Variants in DNAJC17 observed in about 807,000 individuals in gnomAD.
DNAJC17 encodes the protein DnaJ heat shock protein family (Hsp40) member C17, also known as dnaJ homolog subfamily C member 17.
A neutral mutation model predicts 48.1 loss-of-function variants in DNAJC17; 35 were observed. The observed-to-expected ratio is 0.73, with a 90% confidence interval of 0.56 to 0.96. DNAJC17 has a LOEUF of 0.96. Ranked by LOEUF, DNAJC17 falls within the 50% of genes least tolerant of loss-of-function variation. The pLI is 0.00. For missense variants in DNAJC17, 355 were observed against 377.1 expected, an observed-to-expected ratio of 0.94 and a Z score of 0.48; for synonymous variants, 117 against 142.7, an observed-to-expected ratio of 0.82 and a Z score of 1.28.
chr15:40,785,805 G>A (rs943172587), intron 1 of DNAJC17, among the ~76,000 whole-genome samples: 26 of 152,228 alleles, frequency 1.7e-4, no homozygotes, highest in Non-Finnish European at 1.5e-5. Flanking sequence ...TCTTATTCAA[G>A]GGGTAGAAGG....
intron 1 of DNAJC17, chr15:40,807,065 T>C (rs1890253202): frequency 3.3e-6 from 2 of 614,334 alleles, no homozygotes; most frequent in East Asian, 2.9e-5. Context: ...AGGCCGAGAC[T>C]GCGCAGGCGC....
intron 1 of DNAJC17, among the ~76,000 whole-genome samples, chr15:40,789,773 T>G (rs1241450914): frequency 2.6e-5 from 4 of 151,304 alleles, no homozygotes; most frequent in African/African-American, 9.7e-5. Context: ...CAAATTTGTA[T>G]TAGTAAAAAG....
chr15:40,770,642 A>G lies in DNAJC17; in HGVS notation c.793-2580T>C. 1 of 1,550,284 alleles carries G rather than the reference A, an allele frequency of 6.5e-7. No individual in the cohort carries two copies. Among genetic ancestry groups the G allele is most frequent in the African/African-American group, 1.4e-5 (1 of 73,156 alleles). ...GGGACCACGAGGAGTACAGCAACCG[A>G]GAAGTCATCCGGGAGCTACAAGGGA... On this transcript the variant is annotated intron_variant, in intron 10 of 10. Coordinates refer to ENST00000220496, the MANE Select transcript of DNAJC17 (RefSeq NM_018163.3). This position sits in a 1 kb window ranked among gnomAD's most constrained non-coding sequence, Gnocchi z 5.0.
At chr15:40,781,154 A>G (rs990364315) in intron 1 of DNAJC17, among the ~76,000 whole-genome samples, 2 of 30,706 alleles carry the variant, frequency 6.5e-5, no homozygotes, top group African/African-American at 5.6e-4. Flanking sequence ...TCCATCTCAG[A>G]AAAAAAAAAA....
At position 40,770,809 on chromosome 15, in the gene DNAJC17, C is replaced by G. The variant is rs143048843; in HGVS notation, c.793-2747G>C. ...GAGCCCCCACCTGCCTACACAGCAG[C>G]CTACTCTGCCACCCTGCCATCGGCG... On this transcript the variant is annotated intron_variant, in intron 10 of 10. Transcript: ENST00000220496. The surrounding 1 kb of genome is among the most constrained non-coding windows in gnomAD (Gnocchi z 5.0). 3 of 1,550,352 alleles carry G rather than the reference C, an allele frequency of 1.9e-6. No individual in the cohort carries two copies. Among genetic ancestry groups the G allele is most frequent in the South Asian group, 1.2e-5 (1 of 84,062 alleles).
intron 1 of DNAJC17, among the ~76,000 whole-genome samples, chr15:40,789,244 A>C (rs1889728087): frequency 6.6e-6 from 1 of 151,832 alleles, no homozygotes; most frequent in Admixed American, 6.6e-5. Flanking sequence ...TCCCCAAATG[A>C]TGGCCCTTGT....
At chr15:40,794,023 A>G (rs1193861312) in intron 1 of DNAJC17, among the ~76,000 whole-genome samples, 1 of 152,156 alleles carries the variant, frequency 6.6e-6, no homozygotes, top group Non-Finnish European at 1.5e-5. Flanking sequence ...TCTATTCTCA[A>G]CACATGGTAG....
intron 1 of DNAJC17, among the ~76,000 whole-genome samples, chr15:40,789,957 A>C (rs1889752836): frequency 6.9e-6 from 1 of 145,754 alleles, no homozygotes; most frequent in Non-Finnish European, 1.5e-5. Context: ...GAGTTGATTT[A>C]GTGAAAATAA....
chr15:40,765,955 G>A lies in DNAJC17; in HGVS notation c.*1985C>T, dbSNP rs1276157577. The A allele has an allele frequency of 2.5e-6, 3 of 1,181,436 alleles. No homozygotes were observed. The highest frequency in any genetic ancestry group is 5.0e-5 in the East Asian group (2 of 39,628). The allele number at this position is 1,181,436 out of a possible 1,614,324, so 73.2% of individuals were successfully genotyped here. A position where few individuals can be genotyped will look rare whatever the true frequency, so the allele number is the denominator to read the frequency against. ...CAGCCTCCCTCAGTATCCTCTCCCT[G>A]CCAGCCCCTAGACCTGCCTCTGCTC... On this transcript the variant is annotated 3_prime_UTR_variant, in exon 11 of 11. Coordinates refer to ENST00000220496, the MANE Select transcript of DNAJC17 (RefSeq NM_018163.3).
At chr15:40,807,019 C>A (rs756448768) in intron 1 of DNAJC17, 2 of 536,666 alleles carry the variant, frequency 3.7e-6, no homozygotes, top group Non-Finnish European at 6.6e-6. Context: ...TGAAATGAGG[C>A]ACCTCTTGTC....
chr15:40,781,138 C>T (rs978929345), intron 1 of DNAJC17, among the ~76,000 whole-genome samples: 1 of 123,086 alleles, frequency 8.1e-6, no homozygotes, highest in Admixed American at 1.0e-4. Flanking sequence ...GGGACAAGAG[C>T]GAGACTCCAT....
At chr15:40,783,675 C>T (rs1454861470) in intron 1 of DNAJC17, among the ~76,000 whole-genome samples, 1 of 152,052 alleles carries the variant, frequency 6.6e-6, no homozygotes, top group African/African-American at 2.4e-5. Context: ...ACCAGCCTGG[C>T]CAACATGGTG....
In DNAJC17 at chr15:40,767,029, G is replaced by T; in HGVS notation, c.*911C>A. ...AGTGGCACCTTCACTAGCTTGTTGG[G>T]AAGAATAAATGAGATAGCTCGTGAA... is the stretch of plus-strand genomic sequence containing the variant. On this transcript the variant is annotated 3_prime_UTR_variant, in exon 11 of 11. Coordinates refer to ENST00000220496, the MANE Select transcript of DNAJC17 (RefSeq NM_018163.3). 1 of 444,690 alleles carries T rather than the reference G, an allele frequency of 2.2e-6. No individual in the cohort carries two copies. 27.5% of individuals were successfully genotyped at this position (444,690 alleles called of 1,614,324 possible).
intron 1 of DNAJC17, among the ~76,000 whole-genome samples, chr15:40,799,132 G>A (rs188759234): frequency 2.0e-5 from 3 of 151,732 alleles, no homozygotes; most frequent in Admixed American, 2.0e-4. Flanking sequence ...GACTGAGGCA[G>A]GAGAATGGTG....
intron 1 of DNAJC17, among the ~76,000 whole-genome samples, chr15:40,793,746 C>T (rs1245389583): frequency 6.6e-6 from 1 of 151,898 alleles, no homozygotes; most frequent in Non-Finnish European, 1.5e-5. Flanking sequence ...AGCGCTCACT[C>T]TATGCCAGGC....
Position 40,767,842 on chromosome 15 carries a change from A to G in DNAJC17, c.*98T>C. 6.5e-7 allele frequency: 1 copy of G among 1,528,920 alleles called. No homozygotes were observed. Among genetic ancestry groups the G allele is most frequent in the East Asian group, 2.3e-5 (1 of 44,154 alleles). The allele number at this position is 1,528,920 out of a possible 1,614,324, so 94.7% of individuals were successfully genotyped here. On this transcript the variant is annotated 3_prime_UTR_variant, in exon 11 of 11. Transcript: ENST00000220496. ...GCTCTGCGGCAGAGCCCAGCACCTT[A>G]TACCTATGTATGGGATAGAGGTAAA...
chr15:40,794,987 C>T (rs568964853), intron 1 of DNAJC17, among the ~76,000 whole-genome samples: 6 of 151,974 alleles, frequency 3.9e-5, no homozygotes, highest in Admixed American at 6.6e-5. Context: ...CCAAAGTGCT[C>T]GGATTACAGG....
chr15:40,770,456 G>GCTGCTCCTGAACACCTGT lies in DNAJC17; in HGVS notation c.793-2412_793-2395dup. 2 of 1,517,136 alleles carry GCTGCTCCTGAACACCTGT rather than the reference G, an allele frequency of 1.3e-6. No homozygotes were observed. Among genetic ancestry groups the GCTGCTCCTGAACACCTGT allele is most frequent in the Non-Finnish European group, 1.8e-6 (2 of 1,132,036 alleles). 94.0% of individuals were successfully genotyped at this position (1,517,136 alleles called of 1,614,324 possible). On this transcript the variant is annotated intron_variant, in intron 10 of 10. Coordinates refer to ENST00000220496, the MANE Select transcript of DNAJC17 (RefSeq NM_018163.3). This position sits in a 1 kb window ranked among gnomAD's most constrained non-coding sequence, Gnocchi z 5.0. ...CCCAGCAGGGACCACATGCACCCTG[G>GCTGCTCCTGAACACCTGT]CTGCTCCTGAACACCTGTCTGCTGG...
At chr15:40,783,664 G>C (rs1451845188) in intron 1 of DNAJC17, among the ~76,000 whole-genome samples, 1 of 152,180 alleles carries the variant, frequency 6.6e-6, no homozygotes, top group Non-Finnish European at 1.5e-5. Context: ...TGGAGTTTGA[G>C]ACCAGCCTGG....
Sources: allele counts gnomAD v4.1 joint callset (sites outside exome capture counted in the v4.1 genomes callset), GRCh38; gene constraint gnomAD v4.1.1; non-coding constraint Gnocchi (gnomAD v3.1); transcripts MANE v1.5; gene names NCBI Gene and HGNC (gene_info 2026-07-23, HGNC 2026-07-21).